Variants in KALRN observed in about 807,000 individuals in gnomAD.
KALRN encodes kalirin.
In KALRN, 70 loss-of-function variants were observed where a neutral mutation model predicts 353.7. That is an observed-to-expected ratio of 0.20 (90% CI 0.16 to 0.24). KALRN has a LOEUF of 0.24. Ranked by LOEUF, KALRN falls within the 10% of genes least tolerant of loss-of-function variation. KALRN has a pLI of 1.00. For synonymous variants in KALRN, 1,391 were observed against 1,434.8 expected (o/e 0.97, Z 0.69); for missense variants, 2,791 against 3,756.7 (o/e 0.74, Z 6.72).
chr3:124,047,091 C>T (rs757266853), intron 1 of KALRN, among the ~76,000 whole-genome samples: 3 of 151,040 alleles, frequency 2.0e-5, no homozygotes, highest in Admixed American at 1.3e-4. Context: ...AGAGGGGACT[C>T]CTTTTATCAC....
Position 124,592,454 on chromosome 3 carries a change from T to TA in KALRN, c.5182+29375dup, listed in dbSNP as rs199771047. On this transcript the variant is annotated intron_variant, in intron 34 of 59. Coordinates refer to ENST00000682506, the MANE Select transcript of KALRN (RefSeq NM_001388419.1). ...GTTTGGATGCTGAGCATCTACATTA[T>TA]AAAAAAAAAAGATAGCCAATTGCTT... is the stretch of plus-strand genomic sequence containing the variant. Among the ~76,000 whole-genome samples, 290 of 144,944 alleles carry TA rather than the reference T, an allele frequency of 2.0e-3. 1 individual carries two copies. Among genetic ancestry groups the TA allele is most frequent in the East Asian group, 1.2e-3 (6 of 5,148 alleles).
intron 7 of KALRN, among the ~76,000 whole-genome samples, chr3:124,326,708 A>T (rs1393964870): frequency 6.6e-6 from 1 of 152,210 alleles, no homozygotes; most frequent in Non-Finnish European, 1.5e-5. Context: ...AAGCTCAGAG[A>T]GATTAAGTGA....
intron 3 of KALRN, among the ~76,000 whole-genome samples, chr3:124,238,363 G>C (rs558409247): frequency 6.6e-6 from 1 of 152,304 alleles, no homozygotes; most frequent in African/African-American, 2.4e-5. Flanking sequence ...TGCCCACATG[G>C]AAGCTGTCTA....
rs1360063872 is a variant in KALRN at position 124,642,128 on chromosome 3, A to G, written c.5664+4825A>G. Among the ~76,000 whole-genome samples the G allele has an allele frequency of 2.6e-5, 4 of 152,126 alleles. No homozygotes were observed. The East Asian group carries it at 5.8e-4, about 22-fold the overall frequency. ...GAAACCCCATATCTAGTAAAATACA[A>G]AAGAAATTAGATGGGCGTGGTGGCA... On this transcript the variant is annotated intron_variant, in intron 37 of 59. Transcript: ENST00000682506.
At chr3:124,510,843 G>GT (rs1261850309) in intron 33 of KALRN, among the ~76,000 whole-genome samples, 2 of 152,050 alleles carry the variant, frequency 1.3e-5, no homozygotes, top group East Asian at 3.8e-4. Flanking sequence ...AATAGTTTTT[G>GT]TTGCTTCACT....
intron 1 of KALRN, among the ~76,000 whole-genome samples, chr3:124,213,951 A>G (rs1291259545): frequency 6.6e-6 from 1 of 152,222 alleles, no homozygotes; most frequent in Non-Finnish European, 1.5e-5. Flanking sequence ...CAACCTAATT[A>G]TTAAACTTTT....
chr3:124,145,554 A>G lies in KALRN; in HGVS notation c.74-82436A>G, dbSNP rs1371773161. On this transcript the variant is annotated intron_variant, in intron 1 of 59. Coordinates refer to ENST00000682506, the MANE Select transcript of KALRN (RefSeq NM_001388419.1). Reference sequence around the variant, plus strand: ...CACTGCCCCTCTTCTTCTGAGTGACATGACCAAAGGTGTGACTTGCAGTCA... The same window carrying G: ...CACTGCCCCTCTTCTTCTGAGTGACGTGACCAAAGGTGTGACTTGCAGTCA... Among the ~76,000 whole-genome samples, 6 of 152,188 alleles carry G rather than the reference A, an allele frequency of 3.9e-5. No individual in the cohort carries two copies. The South Asian group carries it at 1.2e-3, about 31-fold the overall frequency.
chr3:124,265,604 A>C (rs2073427913), intron 4 of KALRN, among the ~76,000 whole-genome samples: 1 of 151,978 alleles, frequency 6.6e-6, no homozygotes, highest in African/African-American at 2.4e-5. Context: ...AATTTAAGAA[A>C]ATATTCTTAA....
intron 3 of KALRN, among the ~76,000 whole-genome samples, chr3:124,245,689 G>GT (rs1193188567): frequency 7.5e-5 from 11 of 147,444 alleles, no homozygotes; most frequent in Admixed American, 1.3e-4. Context: ...GTTGTTTTTT[G>GT]TTTTTTTTTA....
intron 23 of KALRN, among the ~76,000 whole-genome samples, chr3:124,461,130 T>G (rs192281713): frequency 6.6e-6 from 1 of 152,224 alleles, no homozygotes. Flanking sequence ...AAAAATTATC[T>G]TTTATATTTT....
chr3:124,366,423 T>C (rs3856619), intron 10 of KALRN, among the ~76,000 whole-genome samples: 3,057 of 149,326 alleles, frequency 0.02, 114 homozygotes, highest in East Asian at 0.1. Flanking sequence ...AGCATGCTGC[T>C]TTCAAGCATC....
chr3:124,412,136 G>A (rs2092212271), intron 13 of KALRN, among the ~76,000 whole-genome samples: 1 of 152,228 alleles, frequency 6.6e-6, no homozygotes, highest in Non-Finnish European at 1.5e-5. Flanking sequence ...GTGAGGGGCT[G>A]CTTGGCTTTC....
chr3:124,044,124 G>T (rs539997471), intron 1 of KALRN, among the ~76,000 whole-genome samples: 1 of 152,284 alleles, frequency 6.6e-6, no homozygotes, highest in African/African-American at 2.4e-5. Context: ...ACACAAAAGA[G>T]AAGATGCCAT....
At chr3:124,263,676 C>G (rs1402097622) in intron 3 of KALRN, among the ~76,000 whole-genome samples, 1 of 152,030 alleles carries the variant, frequency 6.6e-6, no homozygotes, top group Non-Finnish European at 1.5e-5. Context: ...GTTATTCATA[C>G]TTTGTGTACC....
intron 34 of KALRN, among the ~76,000 whole-genome samples, chr3:124,575,370 CA>C (rs1466487904): frequency 6.6e-6 from 1 of 152,216 alleles, no homozygotes; most frequent in Non-Finnish European, 1.5e-5. Context: ...CATCTCAGTT[CA>C]GAATGTTCCA....
chr3:124,034,223 G>A (rs1435321858), intron 1 of KALRN, among the ~76,000 whole-genome samples: 1 of 152,210 alleles, frequency 6.6e-6, no homozygotes, highest in Non-Finnish European at 1.5e-5. Flanking sequence ...CGGCCGCCCT[G>A]GGTCGGCACC....
Position 124,101,613 on chromosome 3 carries a change from A to T in KALRN, c.73+67800A>T, listed in dbSNP as rs375594378. 1.2e-4 allele frequency among the ~76,000 whole-genome samples: 18 copies of T among 152,120 alleles called. No homozygotes were observed. In the South Asian group the frequency reaches 3.1e-3, roughly 26 times the overall value. ...GTGCAAGAAGTCAAGAGGCAGCTGG[A>T]CCTCATGGTCTTGGTTGTCAGGGTA... On this transcript the variant is annotated intron_variant, in intron 1 of 59. Transcript: ENST00000682506.
intron 33 of KALRN, chr3:124,518,459 T>A: frequency 6.2e-7 from 1 of 1,614,090 alleles, no homozygotes; most frequent in Non-Finnish European, 8.5e-7. Context: ...CCACTTACGT[T>A]TAGCGCGCAT....
chr3:124,419,530 G>T (rs2092682846), intron 14 of KALRN, among the ~76,000 whole-genome samples: 1 of 152,014 alleles, frequency 6.6e-6, no homozygotes, highest in Non-Finnish European at 1.5e-5. Context: ...TATGACCTCA[G>T]TTCTCTGAAG....
Sources: allele counts gnomAD v4.1 joint callset (sites outside exome capture counted in the v4.1 genomes callset), GRCh38; gene constraint gnomAD v4.1.1; transcripts MANE v1.5; gene names NCBI Gene and HGNC (gene_info 2026-07-23, HGNC 2026-07-21).